The following CSMD3 variants were observed in gnomAD, a reference collection of about 807,000 sequenced individuals.
The protein encoded by CSMD3 is CUB and sushi domain-containing protein 3.
In CSMD3, 177 loss-of-function variants were observed where a neutral mutation model predicts 435.2. That is an observed-to-expected ratio of 0.41 (90% CI 0.36 to 0.46). The LOEUF (loss-of-function observed/expected upper bound fraction) is 0.46. Ranked by LOEUF, CSMD3 falls within the 20% of genes least tolerant of loss-of-function variation. The pLI is 0.34. For missense variants in CSMD3, 4,265 were observed against 4,504.6 expected, an observed-to-expected ratio of 0.95 and a Z score of 1.52; for synonymous variants, 1,656 against 1,520.5, an observed-to-expected ratio of 1.09 and a Z score of -2.07.
chr8:112,391,385 T>C (rs1830396497), intron 35 of CSMD3, among the ~76,000 whole-genome samples: 1 of 152,138 alleles, frequency 6.6e-6, no homozygotes. Flanking sequence ...GAGATTGTCT[T>C]GCCCAAGATC....
chr8:112,246,883 A>G, intron 64 of CSMD3, 137 bp downstream of exon 64: 1 of 703,074 alleles, frequency 1.4e-6, no homozygotes, highest in South Asian at 1.6e-5. Flanking sequence ...TAATAAAATT[A>G]TATGCATATA....
At chr8:112,367,362 C>A (rs1163878032) in intron 38 of CSMD3, among the ~76,000 whole-genome samples, 2 of 152,034 alleles carry the variant, frequency 1.3e-5, no homozygotes, top group Non-Finnish European at 2.9e-5. Context: ...TTATGCTGAC[C>A]TTGATATAAT....
At chr8:112,380,783 G>T (rs552468650) in intron 37 of CSMD3, among the ~76,000 whole-genome samples, 1 of 152,046 alleles carries the variant, frequency 6.6e-6, no homozygotes, top group South Asian at 2.1e-4. Flanking sequence ...TCAGTATTCC[G>T]TGCACAAGCT....
chr8:113,218,392 C>A (rs1247681906), intron 3 of CSMD3, among the ~76,000 whole-genome samples: 1 of 148,998 alleles, frequency 6.7e-6, no homozygotes, highest in African/African-American at 2.4e-5. Flanking sequence ...TATCTGAAAC[C>A]ACACAGTACA....
At position 113,173,796 on chromosome 8, in the gene CSMD3, C is replaced by T. The variant is rs2131890584; in HGVS notation, c.635G>A (p.Gly212Asp). ...GGCTATGCAGGTGAGCTGAGGGTGG[C>T]CATCAAGGATGTATCCAGTTACACA... ...YSCVTGYILD[G>D]HPQLTCIANS... Residue 212 changes from glycine to aspartate, a missense_variant, in exon 4 of 71, where the codon GGC becomes GAC. Gly to Asp is a moderately conservative substitution (Grantham distance 94, BLOSUM62 -1). This residue lies in a region of CSMD3 where 731 missense variants were observed against 755.4 expected (regional missense o/e 0.97). Transcript: ENST00000297405. 6.2e-7 allele frequency: 1 copy of T among 1,613,752 alleles called. No homozygotes were observed. Among genetic ancestry groups the T allele is most frequent in the South Asian group, 1.1e-5 (1 of 91,086 alleles).
chr8:113,341,853 C>T (rs927557845), intron 1 of CSMD3, among the ~76,000 whole-genome samples: 2 of 152,092 alleles, frequency 1.3e-5, no homozygotes, highest in African/African-American at 4.8e-5. Flanking sequence ...AACTTTACTG[C>T]TCATATCATT....
intron 5 of CSMD3, among the ~76,000 whole-genome samples, chr8:113,089,105 C>A (rs1044125214): frequency 2.0e-5 from 3 of 151,920 alleles, no homozygotes; most frequent in African/African-American, 7.3e-5. Flanking sequence ...TGGCAGTGAA[C>A]CATGGACTAA....
At chr8:112,835,269 C>T (rs1361583451) in intron 11 of CSMD3, among the ~76,000 whole-genome samples, 1 of 151,834 alleles carries the variant, frequency 6.6e-6, no homozygotes, top group African/African-American at 2.4e-5. Flanking sequence ...CATAATCTTT[C>T]TGTGAATCTT....
chr8:112,431,531 G>A (rs895155710), intron 32 of CSMD3, among the ~76,000 whole-genome samples: 1 of 152,108 alleles, frequency 6.6e-6, no homozygotes, highest in Non-Finnish European at 1.5e-5. Context: ...AATGAATGGT[G>A]ATGAGGTATG....
At chr8:112,648,585 T>C (rs2075043572) in intron 19 of CSMD3, among the ~76,000 whole-genome samples, 1 of 152,142 alleles carries the variant, frequency 6.6e-6, no homozygotes, top group Non-Finnish European at 1.5e-5. Context: ...ATATGGAATA[T>C]AACGTGAAAT....
At chr8:113,236,640 C>A (rs1490865517) in intron 3 of CSMD3, among the ~76,000 whole-genome samples, 1 of 152,070 alleles carries the variant, frequency 6.6e-6, no homozygotes, top group African/African-American at 2.4e-5. Context: ...GGTTCTCAGG[C>A]CTCTGGCCTC....
chr8:112,301,579 T>C (rs953722122), intron 53 of CSMD3, among the ~76,000 whole-genome samples: 12 of 152,186 alleles, frequency 7.9e-5, no homozygotes, highest in Non-Finnish European at 1.6e-4. Context: ...GAAGAAAATG[T>C]GTCTCTCCTT....
intron 3 of CSMD3, among the ~76,000 whole-genome samples, chr8:113,206,464 T>G (rs1393576383): frequency 6.6e-6 from 1 of 152,202 alleles, no homozygotes; most frequent in Non-Finnish European, 1.5e-5. Flanking sequence ...TTTTTCTATT[T>G]GTAATAGGCA....
chr8:112,399,252 G>C (rs954347681), intron 35 of CSMD3, among the ~76,000 whole-genome samples: 1 of 129,676 alleles, frequency 7.7e-6, no homozygotes, highest in Non-Finnish European at 1.6e-5. Context: ...AAATATAGAA[G>C]TTTTGATTCC....
intron 49 of CSMD3, among the ~76,000 whole-genome samples, chr8:112,313,672 T>A (rs939607727): frequency 6.6e-6 from 1 of 152,180 alleles, no homozygotes; most frequent in African/African-American, 2.4e-5. Context: ...AACTGACATA[T>A]AAGTCATAAA....
intron 3 of CSMD3, among the ~76,000 whole-genome samples, chr8:113,247,850 T>G (rs889938924): frequency 5.3e-5 from 8 of 152,100 alleles, no homozygotes; most frequent in African/African-American, 1.9e-4. Flanking sequence ...GTAGCTTATA[T>G]TAATGATCAC....
intron 1 of CSMD3, among the ~76,000 whole-genome samples, chr8:113,383,159 C>T (rs1001991624): frequency 2.6e-5 from 4 of 151,838 alleles, no homozygotes; most frequent in East Asian, 3.9e-4. Flanking sequence ...AATGAAAGAA[C>T]GTAAGTCTTA....
chr8:112,424,870 T>C (rs1812897919), intron 32 of CSMD3, among the ~76,000 whole-genome samples: 1 of 152,146 alleles, frequency 6.6e-6, no homozygotes, highest in Non-Finnish European at 1.5e-5. Flanking sequence ...TTTTGTATTT[T>C]CAGTAGAGAC....
chr8:112,467,397 A>G (rs1818066230), intron 32 of CSMD3, among the ~76,000 whole-genome samples: 1 of 152,176 alleles, frequency 6.6e-6, no homozygotes. Flanking sequence ...ACCATCGACT[A>G]TACTGGATAT....
Sources: gnomAD v4.1 joint callset for allele counts (sites outside exome capture counted in the v4.1 genomes callset) on GRCh38, gnomAD v4.1.1 for gene constraint, gnomAD v4.1.1 regional missense constraint, MANE v1.5 for transcripts, NCBI Gene and HGNC (gene_info 2026-07-23, HGNC 2026-07-21) for gene names.